VAT1L: variants seen among roughly 807,000 people sequenced by gnomAD.
VAT1L encodes the protein vesicle amine transport 1 like.
VAT1L carries 34 observed loss-of-function variants against 44.1 expected under a neutral mutation model. That is an observed-to-expected ratio of 0.77 (90% CI 0.59 to 1.03). The LOEUF (loss-of-function observed/expected upper bound fraction) is 1.03, where lower values mean the gene tolerates loss of function less well. Among genes scored for constraint, VAT1L ranks in the 50% least tolerant of loss-of-function variants. The pLI is 0.00. For synonymous variants in VAT1L, 253 were observed against 202.2 expected (o/e 1.25, Z -2.13); for missense variants, 615 against 538.8 (o/e 1.14, Z -1.40).
rs750639344 is a variant in VAT1L at position 77,876,516 on chromosome 16, CCT to C, written c.826+46_826+47del. 3.2e-6 allele frequency: 5 copies of C among 1,559,852 alleles called. 1 individual carries two copies. In the African/African-American group the frequency reaches 6.8e-5, roughly 21 times the overall value. On this transcript the variant is annotated intron_variant, in intron 5 of 8. Coordinates refer to ENST00000302536, the MANE Select transcript of VAT1L (RefSeq NM_020927.3). ...GCAGGGACGTGGTCAGCAATAGGTA[CCT>C]CTACATATGTGCCTGCAAAGGCTCT...
intron 7 of VAT1L, among the ~76,000 whole-genome samples, chr16:77,933,488 C>A (rs926672128): frequency 1.3e-5 from 2 of 152,164 alleles, no homozygotes; most frequent in Non-Finnish European, 2.9e-5. Flanking sequence ...GAATTTAAAA[C>A]TGTATGAGGA....
At chr16:77,929,051 G>A (rs2017700105) in intron 7 of VAT1L, among the ~76,000 whole-genome samples, 1 of 152,086 alleles carries the variant, frequency 6.6e-6, no homozygotes, top group Non-Finnish European at 1.5e-5. Flanking sequence ...TCTTGACCTC[G>A]TGATCCGCCC....
intron 7 of VAT1L, among the ~76,000 whole-genome samples, chr16:77,935,629 GAA>G (rs2017786218): frequency 1.3e-5 from 2 of 151,952 alleles, no homozygotes; most frequent in African/African-American, 2.4e-5. Flanking sequence ...TGAGTGGGGG[GAA>G]GAGAGAGAGA....
intron 4 of VAT1L, among the ~76,000 whole-genome samples, chr16:77,863,704 G>C (rs536984122): frequency 3.9e-5 from 6 of 152,310 alleles, no homozygotes; most frequent in Non-Finnish European, 7.3e-5. Context: ...GCTTACTGGG[G>C]TGCAAGTCCA....
chr16:77,795,799 G>C (rs1011781457), intron 1 of VAT1L, among the ~76,000 whole-genome samples: 3 of 145,850 alleles, frequency 2.1e-5, no homozygotes, highest in African/African-American at 7.6e-5. Flanking sequence ...AAGTCGCTTA[G>C]CTCCCTTTTT....
intron 7 of VAT1L, among the ~76,000 whole-genome samples, chr16:77,899,584 A>G (rs1398296688): frequency 6.6e-6 from 1 of 152,102 alleles, no homozygotes. Context: ...CTTCCTTTCT[A>G]CTTCCCTTCC....
At chr16:77,873,453 A>C (rs2017053394) in intron 4 of VAT1L, among the ~76,000 whole-genome samples, 2 of 152,182 alleles carry the variant, frequency 1.3e-5, no homozygotes, top group South Asian at 4.1e-4. Flanking sequence ...TGTTTTCTTC[A>C]TCATCTTTCA....
At chr16:77,972,581 G>C (rs2018292229) in intron 8 of VAT1L, among the ~76,000 whole-genome samples, 1 of 151,968 alleles carries the variant, frequency 6.6e-6, no homozygotes, top group Non-Finnish European at 1.5e-5. Flanking sequence ...AGGAGTTTGA[G>C]ACCAGCCTGG....
At chr16:77,953,862 G>A (rs1008390061) in intron 7 of VAT1L, among the ~76,000 whole-genome samples, 1 of 152,088 alleles carries the variant, frequency 6.6e-6, no homozygotes, top group Non-Finnish European at 1.5e-5. Context: ...AGATCCTGAT[G>A]TTTCCTTCCT....
intron 7 of VAT1L, among the ~76,000 whole-genome samples, chr16:77,969,140 A>T (rs2018253250): frequency 6.6e-6 from 1 of 152,208 alleles, no homozygotes; most frequent in Admixed American, 6.5e-5. Context: ...TCTTTAAAGC[A>T]AAATTAGGAA....
At chr16:77,816,786 A>T in intron 1 of VAT1L, 135 bp from the exon 2 acceptor site, 1 of 939,572 alleles carries the variant, frequency 1.1e-6, no homozygotes. Flanking sequence ...TGCCAAAAAG[A>T]AAAAAAAAAG....
intron 7 of VAT1L, among the ~76,000 whole-genome samples, chr16:77,967,703 G>A (rs2018237917): frequency 6.6e-6 from 1 of 152,200 alleles, no homozygotes; most frequent in African/African-American, 2.4e-5. Context: ...TTTAACTGGT[G>A]AGAAAACAGC....
chr16:77,819,290 G>A (rs951639431), intron 2 of VAT1L, among the ~76,000 whole-genome samples: 40 of 152,210 alleles, frequency 2.6e-4, no homozygotes, highest in African/African-American at 9.1e-4. Context: ...TGTGTCTTTG[G>A]GTTTTCGTGA....
intron 7 of VAT1L, among the ~76,000 whole-genome samples, chr16:77,926,464 A>T (rs928670950): frequency 6.6e-6 from 1 of 150,464 alleles, no homozygotes; most frequent in Admixed American, 6.6e-5. Flanking sequence ...GGCGCCTGTA[A>T]TCCCAGCTAC....
At chr16:77,969,103 G>C (rs2018252944) in intron 7 of VAT1L, among the ~76,000 whole-genome samples, 1 of 152,198 alleles carries the variant, frequency 6.6e-6, no homozygotes, top group African/African-American at 2.4e-5. Context: ...ACAAGCGTGA[G>C]CCACTATGCC....
rs142846091 is a variant in VAT1L at position 77,936,871 on chromosome 16, CTTGTTTGT to C, written c.1078-34956_1078-34949del. Reference sequence around the variant, plus strand: ...TAAGACCTGAGGGTTTGTTTGGTTTCTTGTTTGTTTGTTTGTTTGTTTGTTTGTTTTTG... The same window carrying C: ...TAAGACCTGAGGGTTTGTTTGGTTTCTTGTTTGTTTGTTTGTTTGTTTTTG... On this transcript the variant is annotated intron_variant, in intron 7 of 8. Transcript: ENST00000302536. Among the ~76,000 whole-genome samples, 671 of 150,618 alleles carry C rather than the reference CTTGTTTGT, an allele frequency of 4.5e-3. 4 individuals are homozygous for C. The highest frequency in any genetic ancestry group is 0.012 in the African/African-American group (480 of 40,950).
chr16:77,791,240 TG>T (rs1490271408), intron 1 of VAT1L, among the ~76,000 whole-genome samples: 23 of 152,220 alleles, frequency 1.5e-4, no homozygotes, highest in African/African-American at 5.5e-4. Flanking sequence ...AATCAGCCGA[TG>T]GCTTCCTGGA....
intron 7 of VAT1L, among the ~76,000 whole-genome samples, chr16:77,900,673 C>G (rs1009954788): frequency 1.7e-4 from 25 of 146,416 alleles, no homozygotes; most frequent in African/African-American, 6.4e-4. Flanking sequence ...CCAGCCTCAG[C>G]AGCAGAGTGA....
At chr16:77,919,273 G>A (rs1247227797) in intron 7 of VAT1L, among the ~76,000 whole-genome samples, 1 of 152,174 alleles carries the variant, frequency 6.6e-6, no homozygotes, top group African/African-American at 2.4e-5. Flanking sequence ...AAACCAGACC[G>A]GTGCCTTTCA....
Sources: gnomAD v4.1 joint callset for allele counts (sites outside exome capture counted in the v4.1 genomes callset) on GRCh38, gnomAD v4.1.1 for gene constraint, MANE v1.5 for transcripts, NCBI Gene and HGNC (gene_info 2026-07-23, HGNC 2026-07-21) for gene names.